ARHGEF4: variants seen among roughly 807,000 people sequenced by gnomAD.
ARHGEF4 encodes APC-stimulated guanine nucleotide exchange factor 1.
A neutral mutation model predicts 162.0 loss-of-function variants in ARHGEF4; 119 were observed. The observed-to-expected ratio is 0.73, with a 90% CI of 0.63 to 0.86. The LOEUF (loss-of-function observed/expected upper bound fraction) is 0.86. Among genes scored for constraint, ARHGEF4 ranks in the 40% least tolerant of loss-of-function variants. The probability of loss-of-function intolerance (pLI) is 0.00; values close to 1 mark genes in which losing one functional copy is unlikely to be tolerated. For missense variants in ARHGEF4, 2,488 were observed against 2,456.0 expected (o/e 1.01, Z -0.28); for synonymous variants, 1,014 against 979.9 (o/e 1.03, Z -0.65).
At chr2:131,041,733 T>C in intron 9 of ARHGEF4, 82 bp from the exon 10 acceptor site, 2 of 1,540,708 alleles carry the variant, frequency 1.3e-6, no homozygotes, top group Non-Finnish European at 8.8e-7. Flanking sequence ...GGAAAGCAGC[T>C]CCACACGTGG....
At chr2:130,936,099 A>G (rs1682928256) in intron 3 of ARHGEF4, among the ~76,000 whole-genome samples, 1 of 152,210 alleles carries the variant, frequency 6.6e-6, no homozygotes, top group African/African-American at 2.4e-5. Context: ...TGTTTTCTGT[A>G]AAAGACTTAT....
chr2:130,891,622 G>A (rs1023113722), intron 1 of ARHGEF4, among the ~76,000 whole-genome samples: 5 of 152,170 alleles, frequency 3.3e-5, no homozygotes, highest in South Asian at 2.1e-4. Flanking sequence ...TCTAGTGAGG[G>A]CCCTCTTCTT....
intron 4 of ARHGEF4, among the ~76,000 whole-genome samples, chr2:130,971,383 A>C (rs1374782340): frequency 6.6e-6 from 1 of 152,178 alleles, no homozygotes; most frequent in Non-Finnish European, 1.5e-5. Flanking sequence ...AATATCAGTT[A>C]GGTGCAGTGG....
intron 3 of ARHGEF4, among the ~76,000 whole-genome samples, chr2:130,935,818 G>C (rs62178895): frequency 0.035 from 5,395 of 152,292 alleles, 110 homozygotes; most frequent in Middle Eastern, 0.075. Context: ...CGTAATCCCA[G>C]CACTTTGGGA....
intron 1 of ARHGEF4, among the ~76,000 whole-genome samples, chr2:130,844,889 A>T (rs1309945426): frequency 6.6e-6 from 1 of 151,826 alleles, no homozygotes; most frequent in Non-Finnish European, 1.5e-5. Context: ...TAATGGCGCG[A>T]TCTCATCTCA....
At chr2:131,010,255 C>A (rs1276895464) in intron 4 of ARHGEF4, among the ~76,000 whole-genome samples, 1 of 152,182 alleles carries the variant, frequency 6.6e-6, no homozygotes, top group Non-Finnish European at 1.5e-5. Flanking sequence ...AGGTTTCTCT[C>A]TGTGTTTTAG....
At chr2:131,043,330 TG>T in intron 10 of ARHGEF4, 121 bp from the exon 11 acceptor site, 2 of 1,358,220 alleles carry the variant, frequency 1.5e-6, no homozygotes, top group Admixed American at 2.0e-5. Context: ...CACCATGGCC[TG>T]GCCAGGTGGG....
chr2:131,012,823 C>T (rs369938744), intron 4 of ARHGEF4, among the ~76,000 whole-genome samples: 13 of 152,286 alleles, frequency 8.5e-5, no homozygotes, highest in African/African-American at 3.1e-4. Context: ...TCAGGTGATC[C>T]GCCCACCTTG....
chr2:131,035,332 G>A, intron 5 of ARHGEF4: 1 of 1,155,282 alleles, frequency 8.7e-7, no homozygotes, highest in Non-Finnish European at 1.1e-6. Context: ...GCCACCCGCG[G>A]CCTCCGCACT....
intron 4 of ARHGEF4, among the ~76,000 whole-genome samples, chr2:130,995,224 T>A (rs1221545052): frequency 1.3e-5 from 2 of 152,256 alleles, no homozygotes; most frequent in African/African-American, 4.8e-5. Flanking sequence ...CTTGCTGTCC[T>A]TTTGTCTCTG....
chr2:131,010,278 G>T lies in ARHGEF4; in HGVS notation c.3986-17667G>T, dbSNP rs181521598. ...CTCTGTGTTTTAGCCACCCCTTGGT[G>T]CCTGCCTGCAAGCAGAAAGCTGTAA... On this transcript the variant is annotated intron_variant, in intron 4 of 13. Transcript: ENST00000409359. Among the ~76,000 whole-genome samples the T allele has an allele frequency of 6.6e-5, 10 of 152,274 alleles. No homozygotes were observed. In the East Asian group the frequency reaches 1.9e-3, roughly 29 times the overall value.
intron 4 of ARHGEF4, among the ~76,000 whole-genome samples, chr2:130,999,101 C>T (rs1176000626): frequency 2.6e-5 from 4 of 151,872 alleles, no homozygotes; most frequent in Non-Finnish European, 5.9e-5. Flanking sequence ...TTTGTTCAGA[C>T]CTTTGGCTCA....
chr2:130,839,901 T>A (rs1003473483), intron 1 of ARHGEF4, among the ~76,000 whole-genome samples: 1 of 152,204 alleles, frequency 6.6e-6, no homozygotes. Context: ...TAGGGTACTT[T>A]GCTACTTGGT....
At chr2:131,037,406 A>G (rs372184701) in intron 5 of ARHGEF4, among the ~76,000 whole-genome samples, 1 of 152,094 alleles carries the variant, frequency 6.6e-6, no homozygotes, top group East Asian at 1.9e-4. Context: ...GACTGGCCCC[A>G]CTCTTGGTTT....
At chr2:131,022,133 G>T (rs1049439439) in intron 4 of ARHGEF4, among the ~76,000 whole-genome samples, 3 of 152,082 alleles carry the variant, frequency 2.0e-5, no homozygotes, top group African/African-American at 7.2e-5. Context: ...CTTTGTCTGG[G>T]TTTATTATCA....
At chr2:130,955,279 A>G (rs1349571927) in intron 4 of ARHGEF4, among the ~76,000 whole-genome samples, 1 of 152,110 alleles carries the variant, frequency 6.6e-6, no homozygotes, top group Non-Finnish European at 1.5e-5. Context: ...AGTCATTCTC[A>G]CAGGCAGTTT....
At chr2:130,947,565 G>A (rs369490655) in intron 4 of ARHGEF4, among the ~76,000 whole-genome samples, 3 of 152,158 alleles carry the variant, frequency 2.0e-5, no homozygotes, top group Non-Finnish European at 2.9e-5. Context: ...GGTGTTTTCC[G>A]TTCTGAGGAA....
chr2:131,011,985 A>G (rs1001266317), intron 4 of ARHGEF4: 11 of 693,370 alleles, frequency 1.6e-5, no homozygotes, highest in Non-Finnish European at 2.6e-5. Context: ...GGACTTGATG[A>G]TAAATATGGA....
chr2:130,898,805 A>G (rs1680312385), intron 1 of ARHGEF4, among the ~76,000 whole-genome samples: 1 of 152,108 alleles, frequency 6.6e-6, no homozygotes, highest in Non-Finnish European at 1.5e-5. Flanking sequence ...CCTGCAGCTC[A>G]CACACTCGCA....
Sources: gnomAD v4.1 joint callset for allele counts (sites outside exome capture counted in the v4.1 genomes callset) on GRCh38, gnomAD v4.1.1 for gene constraint, MANE v1.5 for transcripts, NCBI Gene and HGNC (gene_info 2026-07-23, HGNC 2026-07-21) for gene names.